Variants in SNX2 observed in about 807,000 individuals in gnomAD.
SNX2 encodes the protein sorting nexin-2.
In SNX2, 25 loss-of-function variants were observed where a neutral mutation model predicts 69.9. The observed-to-expected ratio is 0.36, with a 90% CI of 0.26 to 0.50. SNX2 has a LOEUF of 0.50. SNX2 is among the 20% of genes least tolerant of loss of function. The pLI, the probability that SNX2 is intolerant of heterozygous loss-of-function variation, is 0.97. For synonymous variants in SNX2, 229 were observed against 200.4 expected, an observed-to-expected ratio of 1.14 and a Z score of -1.20; for missense variants, 551 against 613.3, an observed-to-expected ratio of 0.90 and a Z score of 1.07.
chr5:122,802,523 A>C (rs999185102), intron 5 of SNX2, among the ~76,000 whole-genome samples: 7 of 152,224 alleles, frequency 4.6e-5, no homozygotes, highest in African/African-American at 1.7e-4. Flanking sequence ...TATTATGAGC[A>C]GCCACATTTT....
chr5:122,807,898 T>A (rs1222546285), intron 6 of SNX2, among the ~76,000 whole-genome samples: 2 of 152,216 alleles, frequency 1.3e-5, no homozygotes, highest in Non-Finnish European at 2.9e-5. Context: ...AAAATGTTAA[T>A]TGAGCTTAAA....
intron 2 of SNX2, among the ~76,000 whole-genome samples, chr5:122,796,631 A>C (rs1018474413): frequency 2.6e-5 from 4 of 152,214 alleles, no homozygotes; most frequent in South Asian, 2.1e-4. Flanking sequence ...AAAAGATGAC[A>C]CAAGTTCTTT....
chr5:122,826,226 A>G (rs772694064), intron 12 of SNX2, 33 bp downstream of exon 12: 17 of 1,580,876 alleles, frequency 1.1e-5, no homozygotes, highest in Non-Finnish European at 1.5e-5. Context: ...TCTTTACTTA[A>G]GTTTTGCATG....
intron 7 of SNX2, among the ~76,000 whole-genome samples, chr5:122,810,889 A>T (rs900960049): frequency 5.9e-5 from 9 of 152,210 alleles, no homozygotes; most frequent in Non-Finnish European, 8.8e-5. Flanking sequence ...AAGGAACTGG[A>T]ATGGTTTCTT....
intron 11 of SNX2, among the ~76,000 whole-genome samples, chr5:122,823,419 A>G (rs1317575855): frequency 6.6e-6 from 1 of 152,192 alleles, no homozygotes; most frequent in Admixed American, 6.5e-5. Context: ...CATCTGTACC[A>G]CAATAAACAT....
At chr5:122,810,264 C>T (rs1186791120) in intron 7 of SNX2, among the ~76,000 whole-genome samples, 1 of 150,444 alleles carries the variant, frequency 6.6e-6, no homozygotes, top group South Asian at 2.1e-4. Flanking sequence ...ACAAACACTG[C>T]GGAAGGCCGC....
intron 1 of SNX2, among the ~76,000 whole-genome samples, chr5:122,776,884 A>G (rs1752868951): frequency 6.6e-6 from 1 of 152,206 alleles, no homozygotes; most frequent in Non-Finnish European, 1.5e-5. Flanking sequence ...GTAAGTCTGC[A>G]AAGTTTGATC....
chr5:122,793,552 C>G (rs980855514), intron 1 of SNX2, among the ~76,000 whole-genome samples: 1 of 152,174 alleles, frequency 6.6e-6, no homozygotes, highest in Non-Finnish European at 1.5e-5. Context: ...TTGAAACTAT[C>G]TAGCTGTACA....
intron 6 of SNX2, among the ~76,000 whole-genome samples, chr5:122,806,617 T>G (rs558236226): frequency 0.015 from 2,268 of 152,212 alleles, 23 homozygotes; most frequent in Non-Finnish European, 0.019. Context: ...ATTTATTTAT[T>G]TATTTATTTA....
intron 6 of SNX2, among the ~76,000 whole-genome samples, chr5:122,807,596 A>C (rs1343726919): frequency 6.6e-6 from 1 of 152,236 alleles, no homozygotes; most frequent in African/African-American, 2.4e-5. Context: ...TTTCCACAGA[A>C]TACATTTTTG....
At chr5:122,814,753 T>TGTTTTTTGTTTTTTTTG (rs1753864531) in intron 7 of SNX2, among the ~76,000 whole-genome samples, 1 of 151,010 alleles carries the variant, frequency 6.6e-6, no homozygotes, top group African/African-American at 2.4e-5. Flanking sequence ...GATAGCAGGT[T>TGTTTTTTGTTTTTTTTG]TTTTTTTGTT....
chr5:122,801,332 C>T (rs1019996106), intron 3 of SNX2, among the ~76,000 whole-genome samples: 4 of 152,066 alleles, frequency 2.6e-5, no homozygotes, highest in African/African-American at 9.7e-5. Context: ...GGGCTGGGCG[C>T]AGTGGTTCAC....
intron 1 of SNX2, among the ~76,000 whole-genome samples, chr5:122,776,546 A>G (rs1441311496): frequency 6.6e-6 from 1 of 152,122 alleles, no homozygotes; most frequent in African/African-American, 2.4e-5. Context: ...TAAAACCAGC[A>G]CCTCCTAAAA....
intron 1 of SNX2, among the ~76,000 whole-genome samples, chr5:122,786,047 A>G (rs543272558): frequency 2.0e-4 from 30 of 152,212 alleles, no homozygotes; most frequent in African/African-American, 7.0e-4. Context: ...TTTTGAAGCT[A>G]TTTTGTTACA....
At chr5:122,803,748 C>T (rs1753566752) in intron 6 of SNX2, 135 bp downstream of exon 6, 2 of 618,066 alleles carry the variant, frequency 3.2e-6, no homozygotes, top group Non-Finnish European at 5.5e-6. Flanking sequence ...TTAAGTATTT[C>T]ATTTATACTA....
At chr5:122,811,788 C>T (rs1055259728) in intron 7 of SNX2, among the ~76,000 whole-genome samples, 11 of 151,758 alleles carry the variant, frequency 7.2e-5, no homozygotes, top group African/African-American at 9.7e-5. Flanking sequence ...GATTGTGCCA[C>T]TGCGTTCCAG....
At chr5:122,787,257 C>T (rs1467066773) in intron 1 of SNX2, among the ~76,000 whole-genome samples, 1 of 152,122 alleles carries the variant, frequency 6.6e-6, no homozygotes, top group Non-Finnish European at 1.5e-5. Flanking sequence ...TGGTGGCTCA[C>T]GCCTGTAATC....
At chr5:122,813,767 C>CTTTTTTT (rs546503535) in intron 7 of SNX2, among the ~76,000 whole-genome samples, 4 of 115,364 alleles carry the variant, frequency 3.5e-5, no homozygotes, top group South Asian at 3.0e-4. Flanking sequence ...AGAATATTTC[C>CTTTTTTT]TTTTTTTTTT....
chr5:122,778,875 A>C (rs575739543), intron 1 of SNX2, among the ~76,000 whole-genome samples: 1 of 152,272 alleles, frequency 6.6e-6, no homozygotes, highest in South Asian at 2.1e-4. Context: ...TCAAACTCCT[A>C]CTGTATGTTT....
Sources: gnomAD v4.1 joint callset for allele counts (sites outside exome capture counted in the v4.1 genomes callset) on GRCh38, gnomAD v4.1.1 for gene constraint, MANE v1.5 for transcripts, NCBI Gene and HGNC (gene_info 2026-07-23, HGNC 2026-07-21) for gene names.